Variants in TGFBR3 observed in about 807,000 individuals in gnomAD.
TGFBR3 encodes the protein transforming growth factor beta receptor type 3.
In TGFBR3, 46 loss-of-function variants were observed where a neutral mutation model predicts 87.9. The observed-to-expected ratio is 0.52, with a 90% CI of 0.41 to 0.67. The LOEUF (loss-of-function observed/expected upper bound fraction) is 0.67. Ranked by LOEUF, TGFBR3 falls within the 30% of genes least tolerant of loss-of-function variation. The probability of loss-of-function intolerance (pLI) is 0.00; values close to 1 mark genes in which losing one functional copy is unlikely to be tolerated. For missense variants in TGFBR3, 866 were observed against 1,041.9 expected (o/e 0.83, Z 2.32); for synonymous variants, 381 against 391.6 (o/e 0.97, Z 0.32).
intron 2 of TGFBR3, among the ~76,000 whole-genome samples, chr1:91,829,422 G>A (rs1360945857): frequency 6.6e-6 from 1 of 151,768 alleles, no homozygotes; most frequent in Non-Finnish European, 1.5e-5. Flanking sequence ...GGCATGGTGT[G>A]GGGAAGAGAG....
intron 2 of TGFBR3, among the ~76,000 whole-genome samples, chr1:91,819,547 C>CT (rs1676372295): frequency 6.6e-6 from 1 of 152,152 alleles, no homozygotes; most frequent in South Asian, 2.1e-4. Flanking sequence ...TGGAGAGGGC[C>CT]TACAGGCATC....
At position 91,866,709 on chromosome 1, in the gene TGFBR3, G is replaced by A. The variant is rs367886535; in HGVS notation, c.-113-5065C>T. On this transcript the variant is annotated intron_variant, in intron 1 of 16. Transcript: ENST00000212355. ...ATAAACAGACAATAATCACAAACATGTAACTACACGATATAATCAGAGCTC... is the reference window on the plus strand; with the variant it reads ...ATAAACAGACAATAATCACAAACATATAACTACACGATATAATCAGAGCTC... 34 of 152,282 alleles carry A rather than the reference G, an allele frequency of 2.2e-4. 1 individual carries two copies. In the East Asian group the frequency reaches 6.2e-3, roughly 28 times the overall value. 9.4% of individuals were successfully genotyped at this position (152,282 alleles called of 1,614,324 possible).
At chr1:91,761,656 T>C (rs1337383539) in intron 3 of TGFBR3, among the ~76,000 whole-genome samples, 1 of 150,688 alleles carries the variant, frequency 6.6e-6, no homozygotes, top group Non-Finnish European at 1.5e-5. Context: ...CCAAAACAGC[T>C]AACAAAAGAA....
At chr1:91,856,222 G>A (rs554644741) in intron 2 of TGFBR3, among the ~76,000 whole-genome samples, 3 of 152,032 alleles carry the variant, frequency 2.0e-5, no homozygotes, top group African/African-American at 4.8e-5. Context: ...GCCACCGCGC[G>A]TGGCTAATTT....
intron 3 of TGFBR3, among the ~76,000 whole-genome samples, chr1:91,786,395 T>G (rs1053265978): frequency 6.6e-6 from 1 of 151,966 alleles, no homozygotes; most frequent in African/African-American, 2.4e-5. Context: ...ACAGAGAAAT[T>G]CAAGGGCAAT....
intron 1 of TGFBR3, chr1:91,864,347 G>C (rs577319049): frequency 6.6e-6 from 1 of 152,278 alleles, no homozygotes; most frequent in Admixed American, 6.5e-5. Context: ...AGAATATTGG[G>C]CAATTATTAA....
chr1:91,690,375 G>A (rs1175609374), intron 16 of TGFBR3, among the ~76,000 whole-genome samples: 1 of 152,040 alleles, frequency 6.6e-6, no homozygotes, highest in Non-Finnish European at 1.5e-5. Context: ...CACATTTGAG[G>A]GCAAGAGTAC....
chr1:91,861,000 A>G (rs1678166386), intron 2 of TGFBR3, among the ~76,000 whole-genome samples: 1 of 151,796 alleles, frequency 6.6e-6, no homozygotes, highest in South Asian at 2.1e-4. Context: ...GCAAAACTAA[A>G]TACCTCCCAA....
chr1:91,754,436 G>A (rs1673668118), intron 4 of TGFBR3, among the ~76,000 whole-genome samples: 1 of 152,106 alleles, frequency 6.6e-6, no homozygotes, highest in Non-Finnish European at 1.5e-5. Flanking sequence ...AAAACTATAA[G>A]ATTATTACAA....
At chr1:91,890,377 T>C (rs989423421), upstream of TGFBR3, among the ~76,000 whole-genome samples, 2 of 143,650 alleles carry the variant, frequency 1.4e-5, no homozygotes, top group African/African-American at 5.0e-5. Flanking sequence ...GACTTTATCA[T>C]TAGAAAAATC....
intron 2 of TGFBR3, among the ~76,000 whole-genome samples, chr1:91,823,661 T>C (rs757449335): frequency 6.6e-6 from 1 of 152,176 alleles, no homozygotes; most frequent in African/African-American, 2.4e-5. Context: ...AAAACTAATC[T>C]ATAGCAACAG....
intron 2 of TGFBR3, among the ~76,000 whole-genome samples, chr1:91,806,116 C>T (rs17881612): frequency 0.026 from 3,998 of 152,300 alleles, 183 homozygotes; most frequent in African/African-American, 0.091. Context: ...TAATGAAACT[C>T]GTTTCTCATT....
intron 2 of TGFBR3, among the ~76,000 whole-genome samples, chr1:91,821,427 T>C (rs1676449144): frequency 6.6e-6 from 1 of 152,204 alleles, no homozygotes; most frequent in Non-Finnish European, 1.5e-5. Context: ...AAATGTGTTT[T>C]TGAATATTAC....
At chr1:91,873,553 G>A (rs528722553) in intron 1 of TGFBR3, among the ~76,000 whole-genome samples, 4 of 151,458 alleles carry the variant, frequency 2.6e-5, no homozygotes, top group South Asian at 2.1e-4. Flanking sequence ...TCCTGTCCTC[G>A]GCCTCCAAAA....
intron 6 of TGFBR3, among the ~76,000 whole-genome samples, chr1:91,729,198 A>ACACACAC (rs1672669834): frequency 1.0e-5 from 1 of 96,838 alleles, no homozygotes; most frequent in African/African-American, 3.5e-5. Flanking sequence ...CACACACACC[A>ACACACAC]AGCACACAAG....
chr1:91,686,265 C>T lies in TGFBR3; in HGVS notation c.2438-2408G>A, dbSNP rs184687009. 1.0e-3 allele frequency among the ~76,000 whole-genome samples: 156 copies of T among 152,334 alleles called. 2 individuals are homozygous for T. The highest frequency in any genetic ancestry group is 1.8e-3 in the Non-Finnish European group (124 of 68,040). On this transcript the variant is annotated intron_variant, in intron 16 of 16. Coordinates refer to ENST00000212355, the MANE Select transcript of TGFBR3 (RefSeq NM_003243.5). ...TGTTGCCATGTCAGTTTATTTTCAT[C>T]CGTGCCCATTAAAGAGACCTTTCAA...
chr1:91,812,821 C>T (rs1433525580), intron 2 of TGFBR3, among the ~76,000 whole-genome samples: 1 of 152,144 alleles, frequency 6.6e-6, no homozygotes, highest in African/African-American at 2.4e-5. Context: ...ACCATGTTGG[C>T]CAGGCTGGTC....
rs80236218 is a variant in TGFBR3 at position 91,864,556 on chromosome 1, A to G, written c.-113-2912T>C. On this transcript the variant is annotated intron_variant, in intron 1 of 16. Transcript: ENST00000212355. ...TCTCTCCATAATGTAACTGTTCAAA[A>G]AGAAAATAAACTGCAGAAGGTTTTT... Among the ~76,000 whole-genome samples the G allele has an allele frequency of 6.2e-3, 943 of 152,336 alleles. 18 individuals are homozygous for G. The highest frequency in any genetic ancestry group is 0.022 in the African/African-American group (898 of 41,570).
chr1:91,833,505 C>T (rs531548722), intron 2 of TGFBR3, among the ~76,000 whole-genome samples: 9 of 145,028 alleles, frequency 6.2e-5, no homozygotes, highest in African/African-American at 7.6e-5. Context: ...CGGTGGCTTA[C>T]GCCTATAATC....
Sources: allele counts gnomAD v4.1 joint callset (sites outside exome capture counted in the v4.1 genomes callset), GRCh38; gene constraint gnomAD v4.1.1; transcripts MANE v1.5; gene names NCBI Gene and HGNC (gene_info 2026-07-23, HGNC 2026-07-21).